Variants in GOLIM4 observed in about 807,000 individuals in gnomAD.
GOLIM4 encodes the protein golgi integral membrane protein 4.
A neutral mutation model predicts 107.4 loss-of-function variants in GOLIM4; 71 were observed. The observed-to-expected ratio is 0.66, with a 90% CI of 0.55 to 0.81. The LOEUF is 0.81. GOLIM4 is among the 30% of genes least tolerant of loss of function. GOLIM4 has a pLI of 0.00. For missense variants in GOLIM4, 830 were observed against 826.1 expected (o/e 1.00, Z -0.06); for synonymous variants, 327 against 294.8 (o/e 1.11, Z -1.12).
chr3:168,056,823 A>G (rs377694551), intron 1 of GOLIM4, among the ~76,000 whole-genome samples: 7 of 152,342 alleles, frequency 4.6e-5, no homozygotes, highest in Admixed American at 3.3e-4. Context: ...TTGATTTTAC[A>G]ACTTCATAAA....
At chr3:168,015,321 T>A (rs1426230545) in intron 14 of GOLIM4, among the ~76,000 whole-genome samples, 3 of 147,772 alleles carry the variant, frequency 2.0e-5, no homozygotes, top group Non-Finnish European at 4.4e-5. Flanking sequence ...TACCCAGGAA[T>A]CCAACTTACA....
intron 6 of GOLIM4, 146 bp from the exon 7 acceptor site, chr3:168,041,015 A>T: frequency 1.7e-6 from 1 of 601,880 alleles, no homozygotes; most frequent in Non-Finnish European, 3.0e-6. Flanking sequence ...ATCATCGTAG[A>T]GAGAACACTA....
Position 168,088,845 on chromosome 3 carries a change from C to T in GOLIM4, c.187+6254G>A, listed in dbSNP as rs781100932. On this transcript the variant is annotated intron_variant, in intron 1 of 15. Transcript: ENST00000470487. ...TATTGTACCCCAGCCCTTTTGGAAA[C>T]TGTCCTTCCTAAGAAAAGAAAGAAT... Among the ~76,000 whole-genome samples, 45 of 152,328 alleles carry T rather than the reference C, an allele frequency of 3.0e-4. 1 individual carries two copies. The Middle Eastern group carries it at 0.017, about 58-fold the overall frequency.
At position 168,029,802 on chromosome 3, in the gene GOLIM4, G is replaced by A; in HGVS notation, c.1411C>T (p.Pro471Ser). ...QRQAELEEGR[P>S]QHQEQLRQQA... is the part of the protein sequence containing the mutation. ...TACCGGAGCTGCTCCTGGTGCTGCG[G>A]CCGGCCCTCCTCAAGCTCAGCCTGC... The change falls in exon 10 of 16, where the codon CCG (proline) becomes TCG (serine). Residue 471 changes from proline (P) to serine (S), a missense_variant. Pro to Ser is a moderately conservative substitution (Grantham distance 74, BLOSUM62 -1). Coordinates refer to ENST00000470487, the MANE Select transcript of GOLIM4 (RefSeq NM_014498.5). 2 of 1,613,816 alleles carry A rather than the reference G, an allele frequency of 1.2e-6. No individual in the cohort carries two copies. The highest frequency in any genetic ancestry group is 1.7e-6 in the Non-Finnish European group (2 of 1,180,006).
At chr3:168,020,645 A>C (rs1315618510) in intron 14 of GOLIM4, among the ~76,000 whole-genome samples, 1 of 152,198 alleles carries the variant, frequency 6.6e-6, no homozygotes, top group Non-Finnish European at 1.5e-5. Flanking sequence ...TTGTCAATAT[A>C]ATCTTATTTA....
At position 168,032,546 on chromosome 3, in the gene GOLIM4, G is replaced by A. The variant is rs1348280447; in HGVS notation, c.1150C>T (p.Leu384Phe). ...TCAGCACGCGCGTGCCCTTCCAGGA[G>A]GTTGGCTGCTTCTCGTTGCTCATGC... ...EQHEQREAAN[L>F]LEGHARAEVY... is the part of the protein sequence containing the mutation. Residue 384 changes from leucine (L) to phenylalanine (F), a missense_variant, in exon 9 of 16, where the codon CTC becomes TTC. Physicochemically the swap from Leu to Phe is conservative, Grantham distance 22. Coordinates refer to ENST00000470487, the MANE Select transcript of GOLIM4 (RefSeq NM_014498.5). 1 of 1,614,076 alleles carries A rather than the reference G, an allele frequency of 6.2e-7. No homozygotes were observed. Among genetic ancestry groups the A allele is most frequent in the East Asian group, 2.2e-5 (1 of 44,874 alleles).
At chr3:168,074,136 C>G (rs578158568) in intron 1 of GOLIM4, among the ~76,000 whole-genome samples, 14 of 152,306 alleles carry the variant, frequency 9.2e-5, no homozygotes, top group Admixed American at 9.1e-4. Flanking sequence ...ATCTGGACAA[C>G]AGTGAGGAAC....
Position 168,095,134 on chromosome 3 carries a change from T to C in GOLIM4, c.152A>G (p.Gln51Arg), listed in dbSNP as rs1296630382. The C allele has an allele frequency of 6.2e-7, 1 of 1,609,636 alleles. No individual in the cohort carries two copies. Among genetic ancestry groups the C allele is most frequent in the Admixed American group, 1.7e-5 (1 of 59,922 alleles). The stretch of plus-strand genomic sequence containing the variant: ...GGCGGAGAGGGACTCCTGGTGCTGC[T>C]GGTACTTGAGCGCCACCGCCTCGGC... ...RKAEAVALKY[Q>R]QHQESLSAQL... Residue 51 changes from glutamine to arginine, a missense_variant, in exon 1 of 16, where the codon CAG (glutamine) becomes CGG (arginine). By Grantham distance (43) the Gln-to-Arg change is conservative (BLOSUM62 1). Transcript: ENST00000470487.
intron 4 of GOLIM4, among the ~76,000 whole-genome samples, chr3:168,044,341 T>C (rs1030592922): frequency 2.0e-5 from 3 of 152,220 alleles, no homozygotes; most frequent in Non-Finnish European, 1.5e-5. Flanking sequence ...ATCCTCTTCC[T>C]GACACAGAAT....
intron 14 of GOLIM4, among the ~76,000 whole-genome samples, chr3:168,021,080 G>A (rs1276300775): frequency 6.6e-6 from 1 of 152,132 alleles, no homozygotes; most frequent in Non-Finnish European, 1.5e-5. Flanking sequence ...TTTTAGAAAT[G>A]AGCCTTATCT....
intron 3 of GOLIM4, among the ~76,000 whole-genome samples, chr3:168,045,890 T>A (rs964519765): frequency 1.3e-5 from 2 of 152,174 alleles, no homozygotes; most frequent in Admixed American, 1.3e-4. Flanking sequence ...TCTTCTCAGT[T>A]TTTTTATTTT....
rs1718079677 is a variant in GOLIM4 at position 168,027,776 on chromosome 3, C to T, written c.1575G>A (p.Glu525=). ...EAEGDPGNRH[E]PREQGPREAD... ...CTTCTCGGGGTCCTTGTTCACGAGG[C>T]TCATGTCTATTACCTGGATCTCCTT... The change falls in exon 12 of 16, where the codon GAG becomes GAA. Residue 525 remains glutamate, a synonymous_variant. Transcript: ENST00000470487. 1.2e-6 allele frequency: 2 copies of T among 1,613,602 alleles called. No homozygotes were observed.
At position 168,095,112 on chromosome 3, in the gene GOLIM4, G is replaced by T. The variant is rs769389971; in HGVS notation, c.174C>A (p.Ser58=). The T allele has an allele frequency of 1.6e-5, 25 of 1,601,982 alleles. No individual in the cohort carries two copies. Among genetic ancestry groups the T allele is most frequent in the Non-Finnish European group, 2.1e-5 (25 of 1,170,836 alleles). The part of the protein sequence containing the change: ...LKYQQHQESL[S]AQLQVVYEHR... ...CGTTAGCCGTACCTTGTAACTGGGC[G>T]GAGAGGGACTCCTGGTGCTGCTGGT... is the stretch of plus-strand genomic sequence containing the variant. Residue 58 remains serine (S), a synonymous_variant, in exon 1 of 16, where the codon TCC becomes TCA. Coordinates refer to ENST00000470487, the MANE Select transcript of GOLIM4 (RefSeq NM_014498.5).
intron 1 of GOLIM4, among the ~76,000 whole-genome samples, chr3:168,076,448 C>T (rs1158661052): frequency 6.6e-6 from 1 of 152,222 alleles, no homozygotes; most frequent in Non-Finnish European, 1.5e-5. Flanking sequence ...AATCCCAGCA[C>T]TTTGGGAGGC....
intron 1 of GOLIM4, among the ~76,000 whole-genome samples, chr3:168,065,771 G>C (rs1577558385): frequency 6.6e-6 from 1 of 152,154 alleles, no homozygotes; most frequent in East Asian, 1.9e-4. Flanking sequence ...GCAGAGCTCT[G>C]CATGTCTGCT....
chr3:168,026,107 T>A (rs1387068954), intron 12 of GOLIM4, among the ~76,000 whole-genome samples: 1 of 152,172 alleles, frequency 6.6e-6, no homozygotes, highest in Non-Finnish European at 1.5e-5. Flanking sequence ...CTTGAACATG[T>A]TTGAGAGTTC....
intron 14 of GOLIM4, among the ~76,000 whole-genome samples, chr3:168,019,498 C>T (rs1285643521): frequency 6.6e-6 from 1 of 152,060 alleles, no homozygotes; most frequent in Non-Finnish European, 1.5e-5. Context: ...GTCCTAATGC[C>T]TGTTTACAGT....
At chr3:168,038,679 G>A (rs2108240024) in intron 7 of GOLIM4, among the ~76,000 whole-genome samples, 1 of 152,334 alleles carries the variant, frequency 6.6e-6, no homozygotes, top group East Asian at 1.9e-4. Context: ...TGTCAAGGCA[G>A]AATCTCCTAA....
chr3:168,086,496 T>C (rs1000851384), intron 1 of GOLIM4, among the ~76,000 whole-genome samples: 2 of 152,196 alleles, frequency 1.3e-5, no homozygotes, highest in African/African-American at 4.8e-5. Context: ...CTGACTCTCC[T>C]AAAATGATTA....
Sources: gnomAD v4.1 joint callset for allele counts (sites outside exome capture counted in the v4.1 genomes callset) on GRCh38, gnomAD v4.1.1 for gene constraint, MANE v1.5 for transcripts, NCBI Gene and HGNC (gene_info 2026-07-23, HGNC 2026-07-21) for gene names.